CCDC175: variants seen among roughly 807,000 people sequenced by gnomAD.
CCDC175 encodes the protein coiled-coil domain-containing protein 175.
In CCDC175, 100 loss-of-function variants were observed where a neutral mutation model predicts 114.6. The observed-to-expected ratio is 0.87, with a 90% CI of 0.74 to 1.03. CCDC175 has a LOEUF of 1.03. Ranked by LOEUF, CCDC175 falls within the 50% of genes least tolerant of loss-of-function variation. The pLI, the probability that CCDC175 is intolerant of heterozygous loss-of-function variation, is 0.00. For synonymous variants in CCDC175, 306 were observed against 308.7 expected (o/e 0.99, Z 0.09); for missense variants, 880 against 917.8 (o/e 0.96, Z 0.53).
intron 7 of CCDC175, among the ~76,000 whole-genome samples, chr14:59,559,324 G>A (rs1896102792): frequency 6.6e-6 from 1 of 152,118 alleles, no homozygotes. Flanking sequence ...GGATATCAAT[G>A]ATAAGAAAGA....
chr14:59,514,596 C>T (rs1056863106), intron 17 of CCDC175, among the ~76,000 whole-genome samples: 29 of 151,968 alleles, frequency 1.9e-4, no homozygotes, highest in Admixed American at 3.9e-4. Flanking sequence ...TGAAATGAAG[C>T]GAGAAGAGAA....
At chr14:59,556,896 C>CAA (rs898639314) in intron 7 of CCDC175, among the ~76,000 whole-genome samples, 47 of 152,166 alleles carry the variant, frequency 3.1e-4, no homozygotes, top group Admixed American at 5.2e-4. Context: ...CAGAGAAATG[C>CAA]AAATCAAAAC....
At chr14:59,520,298 C>T (rs1021138615) in intron 17 of CCDC175, among the ~76,000 whole-genome samples, 2 of 152,000 alleles carry the variant, frequency 1.3e-5, no homozygotes, top group Non-Finnish European at 2.9e-5. Context: ...CAATTTAAAG[C>T]GTTTTCACCA....
rs117917803 is a variant in CCDC175 at position 59,538,510 on chromosome 14, T to C, written c.1491+195A>G. Among the ~76,000 whole-genome samples the C allele has an allele frequency of 8.5e-3, 1,295 of 152,352 alleles. 8 individuals are homozygous for C. The highest frequency in any genetic ancestry group is 0.011 in the Non-Finnish European group (752 of 68,032). On this transcript the variant is annotated intron_variant, in intron 12 of 19. Transcript: ENST00000537690. ...TACATGCTTCAAAAGCATATTCTACTGTATTTGCTAATTCTCTCTAGTTAA... is the reference window on the plus strand; with the variant it reads ...TACATGCTTCAAAAGCATATTCTACCGTATTTGCTAATTCTCTCTAGTTAA...
chr14:59,540,768 A>G, intron 10 of CCDC175, 22 bp from the exon 11 acceptor site: 2 of 1,502,832 alleles, frequency 1.3e-6, no homozygotes, highest in Non-Finnish European at 8.8e-7. Context: ...AACATATTGG[A>G]TTTTGCATTT....
chr14:59,541,380 G>A (rs1894776876), intron 10 of CCDC175, among the ~76,000 whole-genome samples: 1 of 152,176 alleles, frequency 6.6e-6, no homozygotes, highest in Admixed American at 6.5e-5. Context: ...GGTAACAGAA[G>A]CCTTTATTTT....
intron 13 of CCDC175, among the ~76,000 whole-genome samples, chr14:59,537,032 T>C (rs1894444280): frequency 6.6e-6 from 1 of 152,152 alleles, no homozygotes; most frequent in African/African-American, 2.4e-5. Context: ...CCACCTACCT[T>C]GGCCTCCCAA....
chr14:59,539,844 G>A (rs1307461999), intron 11 of CCDC175, among the ~76,000 whole-genome samples: 1 of 152,160 alleles, frequency 6.6e-6, no homozygotes, highest in Admixed American at 6.5e-5. Context: ...AGGTTGTGGT[G>A]AGCCGAGATC....
In CCDC175 at chr14:59,521,649, CTA is replaced by C. The variant is rs1467705045; in HGVS notation, c.2021_2022del (p.Ile674ArgfsTer29). 2.0e-6 allele frequency: 3 copies of C among 1,530,324 alleles called. No homozygotes were observed. The highest frequency in any genetic ancestry group is 1.8e-6 in the Non-Finnish European group (2 of 1,140,716). 94.8% of individuals were successfully genotyped at this position (1,530,324 alleles called of 1,614,324 possible). Reference protein sequence around the residue: ...KEYILYLKNNIEKYREGQEAL... With the variant: ...KEYILYLKNNXEKYREGQEAL... ...GCTTCTTGTCCTTCTCTGTATTTCT[CTA>C]TGTTATTCTTCAAGTATAAAATATA... On this transcript the variant is annotated frameshift_variant, in exon 17 of 20. Coordinates refer to ENST00000537690, the MANE Select transcript of CCDC175 (RefSeq NM_001164399.2). LOFTEE classifies it high-confidence loss of function.
At chr14:59,554,184 A>G (rs1420698516) in intron 7 of CCDC175, among the ~76,000 whole-genome samples, 1 of 152,220 alleles carries the variant, frequency 6.6e-6, no homozygotes, top group South Asian at 2.1e-4. Context: ...ACCACACAGC[A>G]CTTATTCCAA....
rs1896365731 is a variant in CCDC175, at chr14:59,563,863, T to C, written c.721-4A>G. ...GGGTATTTTCAAATTCATTAATCTATAGTGACAAGCATAAGAAACCAATTT... is the reference window on the plus strand; with the variant it reads ...GGGTATTTTCAAATTCATTAATCTACAGTGACAAGCATAAGAAACCAATTT... On this transcript the variant is annotated splice_region_variant and splice_polypyrimidine_tract_variant and intron_variant, in intron 5 of 19. Transcript: ENST00000537690. 8 of 1,404,526 alleles carry C rather than the reference T, an allele frequency of 5.7e-6. No individual in the cohort carries two copies. The highest frequency in any genetic ancestry group is 4.6e-6 in the Non-Finnish European group (5 of 1,085,644). 87.0% of individuals were successfully genotyped at this position (1,404,526 alleles called of 1,614,324 possible).
At chr14:59,570,141 C>T (rs12890018) in intron 3 of CCDC175, among the ~76,000 whole-genome samples, 2 of 152,064 alleles carry the variant, frequency 1.3e-5, no homozygotes, top group Non-Finnish European at 1.5e-5. Context: ...GCTCTTCATG[C>T]AGAGGTGCCT....
At position 59,545,204 on chromosome 14, in the gene CCDC175, C is replaced by T. The variant is rs113568656; in HGVS notation, c.1131G>A (p.Glu377=). ...GTTTTTGCAAAAAAGCTTTTTCTTCCTCACTTAAAACAATCTTATATTGTC... is the reference window on the plus strand; with the variant it reads ...GTTTTTGCAAAAAAGCTTTTTCTTCTTCACTTAAAACAATCTTATATTGTC... ...LARQYKIVLS[E]EEKAFLQKQK... The change falls in exon 9 of 20, where the codon GAG becomes GAA. Residue 377 remains glutamate (E), a synonymous_variant. Transcript: ENST00000537690. The T allele has an allele frequency of 0.049, 74,968 of 1,536,456 alleles. 2,074 individuals carry two copies. The highest frequency in any genetic ancestry group is 0.056 in the Non-Finnish European group (63,667 of 1,146,464).
At chr14:59,560,059 A>C (rs1393205166) in intron 7 of CCDC175, among the ~76,000 whole-genome samples, 2 of 152,144 alleles carry the variant, frequency 1.3e-5, no homozygotes, top group African/African-American at 4.8e-5. Context: ...AATACTATTG[A>C]ATCACAAAAT....
chr14:59,562,337 G>T (rs1417916039), intron 6 of CCDC175, among the ~76,000 whole-genome samples: 1 of 152,108 alleles, frequency 6.6e-6, no homozygotes, highest in Non-Finnish European at 1.5e-5. Context: ...ATTCCTTGTG[G>T]TCTCAGTCTA....
At chr14:59,571,405 C>T (rs1422880593) in intron 3 of CCDC175, among the ~76,000 whole-genome samples, 2 of 152,146 alleles carry the variant, frequency 1.3e-5, no homozygotes, top group Non-Finnish European at 2.9e-5. Flanking sequence ...AGAACTCCTA[C>T]AACTCAACAA....
intron 19 of CCDC175, among the ~76,000 whole-genome samples, chr14:59,505,711 G>A (rs538610370): frequency 4.6e-5 from 7 of 152,116 alleles, no homozygotes; most frequent in Non-Finnish European, 1.0e-4. Flanking sequence ...TTGTTAAAAC[G>A]TGGTCATAAG....
intron 10 of CCDC175, among the ~76,000 whole-genome samples, chr14:59,542,874 T>C (rs1894872059): frequency 6.6e-6 from 1 of 152,118 alleles, no homozygotes; most frequent in South Asian, 2.1e-4. Flanking sequence ...CATATAAATA[T>C]ATATTTGAAA....
At chr14:59,523,991 A>G (rs1786047080) in intron 16 of CCDC175, among the ~76,000 whole-genome samples, 1 of 116,584 alleles carries the variant, frequency 8.6e-6, no homozygotes, top group African/African-American at 4.0e-5. Context: ...TCCGTCTCAA[A>G]AAAGAAAAAA....
Sources: gnomAD v4.1 joint callset for allele counts (sites outside exome capture counted in the v4.1 genomes callset) on GRCh38, gnomAD v4.1.1 for gene constraint, MANE v1.5 for transcripts, NCBI Gene and HGNC (gene_info 2026-07-23, HGNC 2026-07-21) for gene names.